Variants in STAC observed in about 807,000 individuals in gnomAD.
STAC encodes SH3 and cysteine rich domain.
A neutral mutation model predicts 48.8 loss-of-function variants in STAC; 43 were observed. The ratio of observed to expected loss-of-function variants is 0.88; its 90% CI spans 0.69 to 1.14. STAC has a LOEUF of 1.14. Ranked by LOEUF, STAC falls within the 50% of genes most tolerant of loss-of-function variation. The pLI is 0.00. For missense variants in STAC, 497 were observed against 504.0 expected (o/e 0.99, Z 0.13); for synonymous variants, 193 against 179.5 (o/e 1.07, Z -0.60).
chr3:36,485,862 A>G, intron 4 of STAC: 1 of 285,812 alleles, frequency 3.5e-6, no homozygotes. Flanking sequence ...GAACCTGGAA[A>G]TCAGAGAGGA....
intron 5 of STAC, among the ~76,000 whole-genome samples, chr3:36,486,503 T>C (rs1043795731): frequency 6.6e-6 from 1 of 152,178 alleles, no homozygotes; most frequent in African/African-American, 2.4e-5. Flanking sequence ...ACCCTTCCCA[T>C]GGACCCCCTC....
In STAC at chr3:36,443,262, T is replaced by C; in HGVS notation, c.112-102T>C. On this transcript the variant is annotated intron_variant, in intron 1 of 10. Coordinates refer to ENST00000273183, the MANE Select transcript of STAC (RefSeq NM_003149.3). This position sits in a 1 kb window ranked among gnomAD's most constrained non-coding sequence, Gnocchi z 4.2. The stretch of plus-strand genomic sequence containing the variant: ...ATGAGCCTCCTCAAGACGGAGGGTG[T>C]CAGTGGGGACTGTGTAGTGCACACA... The C allele has an allele frequency of 7.4e-7, 1 of 1,354,432 alleles. No homozygotes were observed. Among genetic ancestry groups the C allele is most frequent in the Non-Finnish European group, 1.0e-6 (1 of 980,484 alleles). 83.9% of individuals were successfully genotyped at this position (1,354,432 alleles called of 1,614,324 possible). A position where few individuals can be genotyped will look rare whatever the true frequency, so the allele number is the denominator to read the frequency against.
intron 8 of STAC, among the ~76,000 whole-genome samples, chr3:36,521,084 T>A (rs1698791720): frequency 6.6e-6 from 1 of 152,052 alleles, no homozygotes; most frequent in Non-Finnish European, 1.5e-5. Flanking sequence ...GATCTAAGAT[T>A]AATGGAGCCA....
intron 2 of STAC, among the ~76,000 whole-genome samples, chr3:36,461,946 T>G (rs528322177): frequency 4.6e-5 from 7 of 152,280 alleles, no homozygotes; most frequent in African/African-American, 1.7e-4. Flanking sequence ...TAATTATACT[T>G]GCAAATGGTT....
chr3:36,453,321 C>T (rs1350333851), intron 2 of STAC, among the ~76,000 whole-genome samples: 13 of 152,330 alleles, frequency 8.5e-5, no homozygotes, highest in Non-Finnish European at 1.5e-5. Context: ...AGCCAGCTCC[C>T]TCAGCTTGCG....
At chr3:36,413,919 C>A (rs1309161362) in intron 1 of STAC, among the ~76,000 whole-genome samples, 2 of 152,088 alleles carry the variant, frequency 1.3e-5, no homozygotes, top group Non-Finnish European at 1.5e-5. Flanking sequence ...GATTTTATTT[C>A]TTTTTCACTT....
intron 1 of STAC, among the ~76,000 whole-genome samples, chr3:36,419,990 C>G (rs1364867674): frequency 6.6e-6 from 1 of 152,008 alleles, no homozygotes; most frequent in African/African-American, 2.4e-5. Context: ...TTTTTGCTTT[C>G]TTTTTAAATT....
intron 1 of STAC, among the ~76,000 whole-genome samples, chr3:36,423,590 T>C (rs780632697): frequency 2.6e-5 from 4 of 152,012 alleles, no homozygotes; most frequent in Non-Finnish European, 5.9e-5. Flanking sequence ...GACAGAACAG[T>C]GCTGGAAGAA....
At chr3:36,496,847 G>A (rs1158721916) in intron 6 of STAC, among the ~76,000 whole-genome samples, 1 of 152,138 alleles carries the variant, frequency 6.6e-6, no homozygotes, top group Non-Finnish European at 1.5e-5. Flanking sequence ...GCTGCCTTCA[G>A]TAATTGCATT....
In STAC at chr3:36,380,574, C is replaced by CG. The variant is rs1404616760; in HGVS notation, c.-67dup. 1 of 1,280,328 alleles carries CG rather than the reference C, an allele frequency of 7.8e-7. No homozygotes were observed. The highest frequency in any genetic ancestry group is 2.6e-5 in the East Asian group (1 of 38,952). The allele number at this position is 1,280,328 out of a possible 1,614,324, so 79.3% of individuals were successfully genotyped here. A position where few individuals can be genotyped will look rare whatever the true frequency, so the allele number is the denominator to read the frequency against. On this transcript the variant is annotated 5_prime_UTR_variant, in exon 1 of 11. Coordinates refer to ENST00000273183, the MANE Select transcript of STAC (RefSeq NM_003149.3). ...CGGAGCTGAGCAGCCTGGCGCGCGG[C>CG]GGGCAGGGCGCGCAGGACAGAAGCC... is the stretch of plus-strand genomic sequence containing the variant.
At chr3:36,460,849 G>A (rs1194184748) in intron 2 of STAC, among the ~76,000 whole-genome samples, 1 of 152,132 alleles carries the variant, frequency 6.6e-6, no homozygotes, top group African/African-American at 2.4e-5. Flanking sequence ...TCTCATAGAT[G>A]TATAAAACAC....
At chr3:36,380,847 G>A in intron 1 of STAC, 93 bp downstream of exon 1, 1 of 1,012,492 alleles carries the variant, frequency 9.9e-7, no homozygotes, top group Non-Finnish European at 1.5e-6. Flanking sequence ...CACGGGCGTG[G>A]GGGTCTGAGA....
intron 2 of STAC, among the ~76,000 whole-genome samples, chr3:36,461,143 A>G (rs1697006180): frequency 6.6e-6 from 1 of 152,162 alleles, no homozygotes; most frequent in Non-Finnish European, 1.5e-5. Flanking sequence ...AATATTTTGC[A>G]TGTACTTTTC....
At chr3:36,399,577 T>C (rs1048424533) in intron 1 of STAC, among the ~76,000 whole-genome samples, 1 of 152,136 alleles carries the variant, frequency 6.6e-6, no homozygotes, top group Non-Finnish European at 1.5e-5. Flanking sequence ...AAGATTTCAT[T>C]TGGCCAATTT....
At chr3:36,477,657 G>C (rs1442449797) in intron 2 of STAC, among the ~76,000 whole-genome samples, 2 of 152,136 alleles carry the variant, frequency 1.3e-5, no homozygotes, top group African/African-American at 2.4e-5. Flanking sequence ...GCTCATAAAA[G>C]AGCCCACTGC....
intron 8 of STAC, among the ~76,000 whole-genome samples, chr3:36,528,343 C>G (rs1210423926): frequency 6.6e-6 from 1 of 152,020 alleles, no homozygotes; most frequent in African/African-American, 2.4e-5. Flanking sequence ...GTGGCAGATG[C>G]CTGTAATCCC....
At chr3:36,437,503 A>G (rs2125659536) in intron 1 of STAC, among the ~76,000 whole-genome samples, 1 of 151,798 alleles carries the variant, frequency 6.6e-6, no homozygotes, top group Non-Finnish European at 1.5e-5. Context: ...GGAAATCATC[A>G]TTCTCAGTAA....
chr3:36,477,663 A>G (rs1054643252), intron 2 of STAC, among the ~76,000 whole-genome samples: 3 of 152,206 alleles, frequency 2.0e-5, no homozygotes, highest in African/African-American at 7.2e-5. Context: ...AAAAGAGCCC[A>G]CTGCCTACCT....
intron 8 of STAC, among the ~76,000 whole-genome samples, chr3:36,524,019 A>AT (rs1698866728): frequency 6.6e-6 from 1 of 152,142 alleles, no homozygotes; most frequent in African/African-American, 2.4e-5. Context: ...CAGTAGGCAG[A>AT]TTATGTATGG....
Sources: allele counts gnomAD v4.1 joint callset (sites outside exome capture counted in the v4.1 genomes callset), GRCh38; gene constraint gnomAD v4.1.1; non-coding constraint Gnocchi (gnomAD v3.1); transcripts MANE v1.5; gene names NCBI Gene and HGNC (gene_info 2026-07-23, HGNC 2026-07-21).